CAPZB: variants seen among roughly 807,000 people sequenced by gnomAD.
CAPZB encodes the protein F-actin-capping protein subunit beta.
In CAPZB, 2 loss-of-function variants were observed where a neutral mutation model predicts 38.1. The ratio of observed to expected loss-of-function variants is 0.05; its 90% CI spans 0.02 to 0.17. The LOEUF is 0.17. Among genes scored for constraint, CAPZB ranks in the 10% least tolerant of loss-of-function variants. The pLI is 1.00. For synonymous variants in CAPZB, 107 were observed against 127.4 expected (o/e 0.84, Z 1.08); for missense variants, 161 against 334.2 (o/e 0.48, Z 4.04).
Position 19,378,657 on chromosome 1 carries a change from G to A in CAPZB, c.216-4C>T, listed in dbSNP as rs1433477300. The A allele has an allele frequency of 1.3e-6, 2 of 1,527,798 alleles. No homozygotes were observed. The highest frequency in any genetic ancestry group is 1.8e-6 in the Non-Finnish European group (2 of 1,101,818). 94.6% of individuals were successfully genotyped at this position (1,527,798 alleles called of 1,614,324 possible). On this transcript the variant is annotated splice_region_variant and splice_polypyrimidine_tract_variant and intron_variant, in intron 3 of 8. Transcript: ENST00000264202. The stretch of plus-strand genomic sequence containing the variant: ...ATACTTGTTACTCCATGGTGACCTG[G>A]AGGGAAGGAAGGAAAAGTATATACC...
intron 1 of CAPZB, among the ~76,000 whole-genome samples, chr1:19,462,815 G>A (rs558203964): frequency 1.3e-5 from 2 of 152,302 alleles, no homozygotes; most frequent in South Asian, 2.1e-4. Flanking sequence ...ACTAGCCTTC[G>A]ATAATTTCAA....
intron 2 of CAPZB, among the ~76,000 whole-genome samples, chr1:19,394,996 ACT>A: frequency 6.6e-6 from 1 of 152,210 alleles, no homozygotes; most frequent in East Asian, 1.9e-4. Flanking sequence ...GAGCGATGAC[ACT>A]CTACAGCCAC....
At chr1:19,457,106 A>G (rs1237649341) in intron 1 of CAPZB, among the ~76,000 whole-genome samples, 1 of 152,250 alleles carries the variant, frequency 6.6e-6, no homozygotes, top group Non-Finnish European at 1.5e-5. Context: ...TGTTGGAACT[A>G]AAGCACAGCG....
At chr1:19,399,038 A>G (rs1243917211) in intron 2 of CAPZB, among the ~76,000 whole-genome samples, 1 of 151,744 alleles carries the variant, frequency 6.6e-6, no homozygotes, top group Non-Finnish European at 1.5e-5. Flanking sequence ...TTTATTTTTT[A>G]GTAGAGACAG....
At chr1:19,461,270 G>A (rs182267206) in intron 1 of CAPZB, among the ~76,000 whole-genome samples, 43 of 152,036 alleles carry the variant, frequency 2.8e-4, no homozygotes, top group African/African-American at 1.0e-3. Flanking sequence ...GGTCCAAACT[G>A]GCAAGCCTCA....
intron 1 of CAPZB, among the ~76,000 whole-genome samples, chr1:19,428,337 A>G (rs1558252771): frequency 6.6e-6 from 1 of 152,010 alleles, no homozygotes; most frequent in Admixed American, 6.6e-5. Flanking sequence ...TGGAAGGCGA[A>G]GGTTGCAGTG....
At chr1:19,370,260 AG>A (rs1357954096) in intron 4 of CAPZB, among the ~76,000 whole-genome samples, 2 of 152,230 alleles carry the variant, frequency 1.3e-5, no homozygotes, top group Non-Finnish European at 2.9e-5. Context: ...ATCACAGTAC[AG>A]GGCTGTGCCC....
chr1:19,374,310 T>C (rs1274996000), intron 4 of CAPZB: 1 of 152,258 alleles, frequency 6.6e-6, no homozygotes, highest in Non-Finnish European at 1.5e-5. Context: ...TGCAGCACAG[T>C]GTCCCCACGG....
At chr1:19,413,499 C>T (rs990601888) in intron 2 of CAPZB, among the ~76,000 whole-genome samples, 1 of 152,128 alleles carries the variant, frequency 6.6e-6, no homozygotes, top group African/African-American at 2.4e-5. Context: ...ATGCCCAAAA[C>T]ATTTTTTAAT....
intron 1 of CAPZB, among the ~76,000 whole-genome samples, chr1:19,476,901 G>C (rs1286800590): frequency 6.6e-6 from 1 of 152,238 alleles, no homozygotes. Context: ...CCATGGGCTG[G>C]TGCCAGAGAG....
chr1:19,404,818 G>C (rs529890125), intron 2 of CAPZB, among the ~76,000 whole-genome samples: 6 of 152,188 alleles, frequency 3.9e-5, no homozygotes, highest in Admixed American at 3.9e-4. Context: ...ACCTTCTTTG[G>C]ATGATTTGCA....
chr1:19,453,180 T>TAA (rs1331200517), intron 1 of CAPZB, among the ~76,000 whole-genome samples: 2 of 152,180 alleles, frequency 1.3e-5, no homozygotes, highest in Non-Finnish European at 2.9e-5. Flanking sequence ...TTGTGACTGT[T>TAA]AGACTTACAA....
At chr1:19,465,591 T>C (rs2094566319) in intron 1 of CAPZB, among the ~76,000 whole-genome samples, 1 of 152,182 alleles carries the variant, frequency 6.6e-6, no homozygotes, top group Non-Finnish European at 1.5e-5. Flanking sequence ...GGTGACTCTG[T>C]GCAATGGCTC....
intron 1 of CAPZB, among the ~76,000 whole-genome samples, chr1:19,450,947 T>C (rs1278349546): frequency 1.3e-5 from 2 of 152,204 alleles, no homozygotes; most frequent in Non-Finnish European, 2.9e-5. Flanking sequence ...GAGATGTGTA[T>C]TACTTGTAAG....
chr1:19,384,932 T>C (rs902867290), intron 3 of CAPZB, among the ~76,000 whole-genome samples: 2 of 152,086 alleles, frequency 1.3e-5, no homozygotes, highest in Non-Finnish European at 2.9e-5. Flanking sequence ...ATGAATCACA[T>C]CATACAGTTA....
intron 1 of CAPZB, among the ~76,000 whole-genome samples, chr1:19,475,535 G>A (rs1048499298): frequency 2.6e-5 from 4 of 152,202 alleles, no homozygotes; most frequent in South Asian, 2.1e-4. Flanking sequence ...CAGCAGAACC[G>A]CTCAAGAGAG....
chr1:19,398,142 A>G (rs1364888037), intron 2 of CAPZB, among the ~76,000 whole-genome samples: 1 of 150,572 alleles, frequency 6.6e-6, no homozygotes. Flanking sequence ...CCTGTGAAAC[A>G]CCCTCAAGTC....
intron 1 of CAPZB, among the ~76,000 whole-genome samples, chr1:19,438,102 C>T (rs1325958228): frequency 1.3e-5 from 2 of 152,150 alleles, no homozygotes; most frequent in African/African-American, 4.8e-5. Flanking sequence ...GGGGAGGGGA[C>T]CGGGCACATG....
chr1:19,437,171 C>G (rs929598366), intron 1 of CAPZB, among the ~76,000 whole-genome samples: 1 of 152,210 alleles, frequency 6.6e-6, no homozygotes, highest in Admixed American at 6.5e-5. Flanking sequence ...ACAAATAAAT[C>G]TGCTGACTGA....
Sources: gnomAD v4.1 joint callset for allele counts (sites outside exome capture counted in the v4.1 genomes callset) on GRCh38, gnomAD v4.1.1 for gene constraint, MANE v1.5 for transcripts, NCBI Gene and HGNC (gene_info 2026-07-23, HGNC 2026-07-21) for gene names.